Variants in PCBD1 observed in about 807,000 individuals in gnomAD.
The protein encoded by PCBD1 is pterin-4-alpha-carbinolamine dehydratase.
PCBD1 carries 16 observed loss-of-function variants against 12.6 expected under a neutral mutation model. The ratio of observed to expected loss-of-function variants is 1.27; its 90% confidence interval spans 0.86 to 1.93. PCBD1 has a LOEUF of 1.93. Among genes scored for constraint, PCBD1 ranks in the 30% most tolerant of loss-of-function variants. The pLI is 0.00. For synonymous variants in PCBD1, 53 were observed against 50.2 expected, an observed-to-expected ratio of 1.05 and a Z score of -0.23; for missense variants, 86 against 130.1, an observed-to-expected ratio of 0.66 and a Z score of 1.65.
At chr10:70,888,296 G>A in intron 1 of PCBD1, 1 of 396,676 alleles carries the variant, frequency 2.5e-6, no homozygotes, top group Non-Finnish European at 4.4e-6. Flanking sequence ...CCGGGGTCAG[G>A]GCAGGCCTGG....
In PCBD1 at chr10:70,888,524, G is replaced by T; in HGVS notation, c.3+7C>A. ...CCCCGATCGCGGCCGCGCACCCCTG[G>T]ACTCACCATGGCGCGGGCGGCAGCA... is the stretch of plus-strand genomic sequence containing the variant. On this transcript the variant is annotated splice_region_variant and intron_variant, in intron 1 of 3. Coordinates refer to ENST00000299299, the MANE Select transcript of PCBD1 (RefSeq NM_000281.4). The T allele has an allele frequency of 7.6e-7, 1 of 1,315,160 alleles. No homozygotes were observed. The highest frequency in any genetic ancestry group is 2.1e-5 in the South Asian group (1 of 47,232). The allele number at this position is 1,315,160 out of a possible 1,614,324, so 81.5% of individuals were successfully genotyped here.
chr10:70,887,078 T>C (rs1264291859), intron 1 of PCBD1, among the ~76,000 whole-genome samples: 2 of 152,118 alleles, frequency 1.3e-5, no homozygotes. Context: ...TGGCAGGAGT[T>C]TTGAGACCCG....
Position 70,885,161 on chromosome 10 carries a change from C to A in PCBD1, c.207G>T (p.Val69=). Residue 69 remains valine (V), a synonymous_variant, in exon 3 of 4, where the codon GTG becomes GTT. Coordinates refer to ENST00000299299, the MANE Select transcript of PCBD1 (RefSeq NM_000281.4). ...ACACAGCATCACTCACCTTGTTGTA[C>A]ACGTTAAACCATTCAGGATGGTGGT... The part of the protein sequence containing the change: ...KLDHHPEWFN[V]YNKVHITLST... 1 of 1,613,474 alleles carries A rather than the reference C, an allele frequency of 6.2e-7. No individual in the cohort carries two copies. Among genetic ancestry groups the A allele is most frequent in the Non-Finnish European group, 8.5e-7 (1 of 1,179,688 alleles).
rs1401305325 is a variant in PCBD1, at chr10:70,883,685, TG to T, written c.*264del. The T allele has an allele frequency of 7.5e-7, 1 of 1,341,570 alleles. No homozygotes were observed. The highest frequency in any genetic ancestry group is 9.6e-7 in the Non-Finnish European group (1 of 1,041,010). The allele number at this position is 1,341,570 out of a possible 1,614,324, so 83.1% of individuals were successfully genotyped here. On this transcript the variant is annotated 3_prime_UTR_variant, in exon 4 of 4. Coordinates refer to ENST00000299299, the MANE Select transcript of PCBD1 (RefSeq NM_000281.4). Reference sequence around the variant, plus strand: ...CTGGCAAGAAAATCATTATTGTTGCTGGGAAGTTGCAAAGAAAGGGGAGAGT... The same window carrying T: ...CTGGCAAGAAAATCATTATTGTTGCTGGAAGTTGCAAAGAAAGGGGAGAGT...
rs1846572164 is a variant in PCBD1, at chr10:70,885,759, G to A, written c.135+39C>T. 6 of 1,612,538 alleles carry A rather than the reference G, an allele frequency of 3.7e-6. No homozygotes were observed. The East Asian group carries it at 1.3e-4, about 36-fold the overall frequency. On this transcript the variant is annotated intron_variant, in intron 2 of 3. Coordinates refer to ENST00000299299, the MANE Select transcript of PCBD1 (RefSeq NM_000281.4). The stretch of plus-strand genomic sequence containing the variant: ...CATGCTTTGTAAGGTGACCCCATCA[G>A]CCCGTCTCAGAAAACTCTGTCCCAC...
At position 70,885,135 on chromosome 10, in the gene PCBD1, C is replaced by A. The variant is rs759506729; in HGVS notation, c.216+17G>T. On this transcript the variant is annotated intron_variant, in intron 3 of 3. Transcript: ENST00000299299. The stretch of plus-strand genomic sequence containing the variant: ...GGATGGGGGCAGAGCACAACAGAGG[C>A]ACACAGCATCACTCACCTTGTTGTA... 1 of 1,605,208 alleles carries A rather than the reference C, an allele frequency of 6.2e-7. No homozygotes were observed. Among genetic ancestry groups the A allele is most frequent in the South Asian group, 1.1e-5 (1 of 90,878 alleles).
Position 70,883,525 on chromosome 10 carries a change from G to A in PCBD1, c.*425C>T, listed in dbSNP as rs1846529551. On this transcript the variant is annotated 3_prime_UTR_variant, in exon 4 of 4. Transcript: ENST00000299299. Reference sequence around the variant, plus strand: ...GAGCCTGAGACCAAGTGATATAATAGTTTTATTTGAGACATAAAAACACAT... The same window carrying A: ...GAGCCTGAGACCAAGTGATATAATAATTTTATTTGAGACATAAAAACACAT... 2 of 1,095,326 alleles carry A rather than the reference G, an allele frequency of 1.8e-6. No homozygotes were observed. Among genetic ancestry groups the A allele is most frequent in the African/African-American group, 3.3e-5 (2 of 61,422 alleles). The allele number at this position is 1,095,326 out of a possible 1,614,324, so 67.9% of individuals were successfully genotyped here.
intron 1 of PCBD1, chr10:70,888,256 C>T (rs1003858762): frequency 1.7e-5 from 6 of 345,622 alleles, no homozygotes; most frequent in Non-Finnish European, 3.1e-5. Flanking sequence ...GTAGGCCCCG[C>T]CCCCGGAAGG....
At position 70,885,830 on chromosome 10, in the gene PCBD1, A is replaced by G; in HGVS notation, c.103T>C (p.Phe35Leu). ...WNELEGRDAIFKQFHFKDFNR... is the reference protein window; with the variant it reads ...WNELEGRDAILKQFHFKDFNR... ...AAGTCTTTGAAATGAAACTGCTTGA[A>G]GATGGCATCACGGCCTTCCAGCTCA... The change falls in exon 2 of 4, where the codon TTC becomes CTC. Residue 35 changes from phenylalanine to leucine, a missense_variant. Coordinates refer to ENST00000299299, the MANE Select transcript of PCBD1 (RefSeq NM_000281.4). 6.2e-7 allele frequency: 1 copy of G among 1,614,116 alleles called. No homozygotes were observed. The highest frequency in any genetic ancestry group is 8.5e-7 in the Non-Finnish European group (1 of 1,180,018).
intron 3 of PCBD1, among the ~76,000 whole-genome samples, chr10:70,884,702 T>C (rs772402667): frequency 6.6e-6 from 1 of 152,124 alleles, no homozygotes; most frequent in Non-Finnish European, 1.5e-5. Context: ...CAGGAGGGTC[T>C]TGATCTCCTG....
rs183766172 is a variant in PCBD1 at position 70,887,209 on chromosome 10, T to C, written c.4-1280A>G. On this transcript the variant is annotated intron_variant, in intron 1 of 3. Coordinates refer to ENST00000299299, the MANE Select transcript of PCBD1 (RefSeq NM_000281.4). ...CTCCACTGCTATAAAGCAAATGTCATCTGCATTACAAAAAAAAAACTTCCT... is the reference window on the plus strand; with the variant it reads ...CTCCACTGCTATAAAGCAAATGTCACCTGCATTACAAAAAAAAAACTTCCT... 2.2e-4 allele frequency among the ~76,000 whole-genome samples: 33 copies of C among 152,208 alleles called. No individual in the cohort carries two copies. The East Asian group carries it at 5.2e-3, about 24-fold the overall frequency.
At chr10:70,885,731 G>T in intron 2 of PCBD1, 67 bp downstream of exon 2, 4 of 1,594,676 alleles carry the variant, frequency 2.5e-6, no homozygotes, top group Admixed American at 3.4e-5. Context: ...TGAAGGGAGA[G>T]AACATGCTTT....
rs1846536686 is a variant in PCBD1 at position 70,883,891 on chromosome 10, C to T, written c.*59G>A. ...GGGTAAGGGCTCCTCAGCTCCCTCCCTGGACTCCCAGTTCAGTCACCCCTT... is the reference window on the plus strand; with the variant it reads ...GGGTAAGGGCTCCTCAGCTCCCTCCTTGGACTCCCAGTTCAGTCACCCCTT... On this transcript the variant is annotated 3_prime_UTR_variant, in exon 4 of 4. Coordinates refer to ENST00000299299, the MANE Select transcript of PCBD1 (RefSeq NM_000281.4). 6.3e-7 allele frequency: 1 copy of T among 1,577,378 alleles called. No individual in the cohort carries two copies. Among genetic ancestry groups the T allele is most frequent in the Admixed American group, 1.8e-5 (1 of 54,478 alleles).
chr10:70,888,430 G>A (rs1178918365), intron 1 of PCBD1, 101 bp downstream of exon 1: 37 of 1,357,342 alleles, frequency 2.7e-5, no homozygotes, highest in Admixed American at 8.2e-5. Context: ...GGCTCCGCAG[G>A]GGACTCGAAA....
At position 70,883,706 on chromosome 10, in the gene PCBD1, G is replaced by A. The variant is rs894775741; in HGVS notation, c.*244C>T. 5 of 1,377,810 alleles carry A rather than the reference G, an allele frequency of 3.6e-6. No individual in the cohort carries two copies. Among genetic ancestry groups the A allele is most frequent in the Non-Finnish European group, 4.7e-6 (5 of 1,063,378 alleles). The allele number at this position is 1,377,810 out of a possible 1,614,324, so 85.3% of individuals were successfully genotyped here. ...TTGCTGGGAAGTTGCAAAGAAAGGG[G>A]AGAGTTTATTCAAATTAGTGTAACA... is the stretch of plus-strand genomic sequence containing the variant. On this transcript the variant is annotated 3_prime_UTR_variant, in exon 4 of 4. Transcript: ENST00000299299.
At chr10:70,885,103 A>G (rs1846560581) in intron 3 of PCBD1, 49 bp downstream of exon 3, 1 of 1,464,232 alleles carries the variant, frequency 6.8e-7, no homozygotes, top group Non-Finnish European at 9.6e-7. Context: ...CAGAGTTCGC[A>G]GTATTTGGAT....
chr10:70,887,490 CCT>C (rs2131970207), intron 1 of PCBD1, among the ~76,000 whole-genome samples: 1 of 152,268 alleles, frequency 6.6e-6, no homozygotes, highest in South Asian at 2.1e-4. Flanking sequence ...TGGCTGACCG[CCT>C]GGTCCGTGTA....
chr10:70,885,198 GC>G lies in PCBD1; in HGVS notation c.169del (p.Ala57LeufsTer21). On this transcript the variant is annotated frameshift_variant, in exon 3 of 4. Coordinates refer to ENST00000299299, the MANE Select transcript of PCBD1 (RefSeq NM_000281.4). LOFTEE classifies it high-confidence loss of function. ...FGFMTRVALQAEKLDHHPEWF... is the reference protein window; with the variant it reads ...FGFMTRVALQXEKLDHHPEWF... ...TTCAGGATGGTGGTCCAGTTTCTCA[GC>G]CTGCAGGGCCACTCTTGTCATGAAC... 1 of 1,614,088 alleles carries G rather than the reference GC, an allele frequency of 6.2e-7. No homozygotes were observed. The highest frequency in any genetic ancestry group is 8.5e-7 in the Non-Finnish European group (1 of 1,179,998).
chr10:70,883,913 C>CT lies in PCBD1; in HGVS notation c.*36_*37insA, dbSNP rs1238546044. 1 of 1,598,980 alleles carries CT rather than the reference C, an allele frequency of 6.3e-7. No homozygotes were observed. Among genetic ancestry groups the CT allele is most frequent in the Admixed American group, 1.7e-5 (1 of 57,964 alleles). On this transcript the variant is annotated 3_prime_UTR_variant, in exon 4 of 4. Transcript: ENST00000299299. Reference sequence around the variant, plus strand: ...TCCCTGGACTCCCAGTTCAGTCACCCCTTCCCCCGGAAGAATTCAAAGAGG... The same window carrying CT: ...TCCCTGGACTCCCAGTTCAGTCACCCTCTTCCCCCGGAAGAATTCAAAGAGG...
Sources: allele counts gnomAD v4.1 joint callset (sites outside exome capture counted in the v4.1 genomes callset), GRCh38; gene constraint gnomAD v4.1.1; transcripts MANE v1.5; gene names NCBI Gene and HGNC (gene_info 2026-07-23, HGNC 2026-07-21).